SLC7A9: variants seen among roughly 807,000 people sequenced by gnomAD.
SLC7A9 encodes solute carrier family 7 member 9.
SLC7A9 carries 38 observed loss-of-function variants against 54.1 expected under a neutral mutation model. That is an observed-to-expected ratio of 0.70 (90% CI 0.54 to 0.92). The LOEUF (loss-of-function observed/expected upper bound fraction) is 0.92, where lower values mean the gene tolerates loss of function less well. Among genes scored for constraint, SLC7A9 ranks in the 40% least tolerant of loss-of-function variants. The pLI, the probability that SLC7A9 is intolerant of heterozygous loss-of-function variation, is 0.00. For missense variants in SLC7A9, 537 were observed against 636.1 expected (o/e 0.84, Z 1.68); for synonymous variants, 264 against 258.9 (o/e 1.02, Z -0.19).
chr19:32,863,968 C>CA, intron 4 of SLC7A9, 128 bp downstream of exon 4: 1 of 1,483,554 alleles, frequency 6.7e-7, no homozygotes, highest in Non-Finnish European at 9.3e-7. Flanking sequence ...ACAGGTACTG[C>CA]AAAGGCTGAT....
intron 9 of SLC7A9, among the ~76,000 whole-genome samples, chr19:32,851,614 G>A (rs958656072): frequency 1.3e-5 from 2 of 151,924 alleles, no homozygotes; most frequent in Non-Finnish European, 2.9e-5. Context: ...TCAGTGTGGC[G>A]ATTCCTTAGG....
At chr19:32,831,866 G>A (rs1217724766) in intron 12 of SLC7A9, among the ~76,000 whole-genome samples, 1 of 152,236 alleles carries the variant, frequency 6.6e-6, no homozygotes, top group African/African-American at 2.4e-5. Context: ...TCAGACAAAG[G>A]AGAATGGTGT....
rs548261950 is a variant in SLC7A9 at position 32,832,282 on chromosome 19, T to C, written c.1399+867A>G. On this transcript the variant is annotated intron_variant, in intron 12 of 12. Coordinates refer to ENST00000023064, the MANE Select transcript of SLC7A9 (RefSeq NM_014270.5). ...CCAGCCTGGACAACAAGAGCAAAACTCCATCTCAAAACAAAGAAAATGGGC... is the reference window on the plus strand; with the variant it reads ...CCAGCCTGGACAACAAGAGCAAAACCCCATCTCAAAACAAAGAAAATGGGC... Among the ~76,000 whole-genome samples, 8 of 147,216 alleles carry C rather than the reference T, an allele frequency of 5.4e-5. 1 individual carries two copies. Among genetic ancestry groups the C allele is most frequent in the African/African-American group, 2.0e-4 (8 of 39,654 alleles).
At position 32,833,672 on chromosome 19, in the gene SLC7A9, C is replaced by T. The variant is rs138025520; in HGVS notation, c.1225-349G>A. On this transcript the variant is annotated intron_variant, in intron 11 of 12. Coordinates refer to ENST00000023064, the MANE Select transcript of SLC7A9 (RefSeq NM_014270.5). ...AGTTAGCTGGGCGTGGTGGCAGGTG[C>T]CTGTAATCCCAGCTCCTCAGGAGCT... Among the ~76,000 whole-genome samples, 740 of 152,158 alleles carry T rather than the reference C, an allele frequency of 4.9e-3. 7 individuals carry two copies. The highest frequency in any genetic ancestry group is 0.017 in the African/African-American group (699 of 41,508).
At chr19:32,835,889 CTGTGTGTGTGTGTG>C (rs1212868987) in intron 11 of SLC7A9, among the ~76,000 whole-genome samples, 1 of 140,776 alleles carries the variant, frequency 7.1e-6, no homozygotes, top group Non-Finnish European at 1.5e-5. Context: ...AATTTATGTA[CTGTGTGTGTGTGTG>C]TGTGTGTATG....
At chr19:32,855,112 G>A (rs577864904) in intron 9 of SLC7A9, among the ~76,000 whole-genome samples, 12 of 152,250 alleles carry the variant, frequency 7.9e-5, no homozygotes, top group African/African-American at 1.9e-4. Flanking sequence ...ATACTATTCC[G>A]ACTCTAAAGA....
chr19:32,848,639 A>G (rs1968372778), intron 9 of SLC7A9, among the ~76,000 whole-genome samples: 1 of 152,200 alleles, frequency 6.6e-6, no homozygotes, highest in Non-Finnish European at 1.5e-5. Flanking sequence ...ACAGAAAGTT[A>G]ACAAGAATAC....
intron 9 of SLC7A9, among the ~76,000 whole-genome samples, chr19:32,846,847 C>T (rs1968312623): frequency 6.6e-6 from 1 of 152,230 alleles, no homozygotes; most frequent in South Asian, 2.1e-4. Flanking sequence ...CAGGCAGCAG[C>T]ATTTGCAGGT....
At chr19:32,835,305 C>T (rs1160519011) in intron 11 of SLC7A9, among the ~76,000 whole-genome samples, 2 of 152,074 alleles carry the variant, frequency 1.3e-5, no homozygotes, top group African/African-American at 4.8e-5. Flanking sequence ...GTCAATGTTA[C>T]AGTCTAAAAA....
intron 9 of SLC7A9, 100 bp from the exon 10 acceptor site, chr19:32,844,051 G>T: frequency 1.1e-6 from 1 of 871,006 alleles, no homozygotes; most frequent in South Asian, 1.4e-5. Flanking sequence ...GAGCCCTCGG[G>T]AGGCTCAGGA....
At chr19:32,841,672 C>G (rs550737891) in intron 11 of SLC7A9, among the ~76,000 whole-genome samples, 2 of 152,260 alleles carry the variant, frequency 1.3e-5, no homozygotes, top group South Asian at 4.1e-4. Flanking sequence ...TTTGGGAAGC[C>G]AAGGCAGGCA....
chr19:32,863,983 G>C, intron 4 of SLC7A9, 113 bp downstream of exon 4: 4 of 1,543,602 alleles, frequency 2.6e-6, no homozygotes, highest in Middle Eastern at 2.3e-4. Context: ...GCTGATGCCA[G>C]GCCCTGCCTG....
intron 2 of SLC7A9, among the ~76,000 whole-genome samples, chr19:32,867,866 G>A (rs1969018256): frequency 6.8e-6 from 1 of 147,714 alleles, no homozygotes; most frequent in Admixed American, 6.8e-5. Flanking sequence ...GGAAGCGGAG[G>A]TTGCAGTGAG....
intron 12 of SLC7A9, 104 bp from the exon 13 acceptor site, chr19:32,830,788 T>TG (rs1429148460): frequency 2.3e-6 from 2 of 863,850 alleles, no homozygotes; most frequent in Non-Finnish European, 1.9e-6. Context: ...TCTTTGGTGA[T>TG]GCGTCACCTA....
chr19:32,861,039 C>T (rs1968786292), intron 6 of SLC7A9, among the ~76,000 whole-genome samples: 1 of 152,124 alleles, frequency 6.6e-6, no homozygotes, highest in Admixed American at 6.5e-5. Flanking sequence ...CCTTAAAGGA[C>T]AAAAATGGGC....
chr19:32,845,505 C>T (rs1198584956), intron 9 of SLC7A9, among the ~76,000 whole-genome samples: 3 of 151,962 alleles, frequency 2.0e-5, no homozygotes, highest in African/African-American at 7.3e-5. Flanking sequence ...CTGTCTCAAA[C>T]AAAACCAAAC....
Position 32,860,588 on chromosome 19 carries a change from C to T in SLC7A9, c.749+18G>A. 6.2e-7 allele frequency: 1 copy of T among 1,614,122 alleles called. No individual in the cohort carries two copies. Among genetic ancestry groups the T allele is most frequent in the Non-Finnish European group, 8.5e-7 (1 of 1,180,006 alleles). On this transcript the variant is annotated intron_variant, in intron 7 of 12. Transcript: ENST00000023064. ...CAGGCTGCCCGGCTACTGTCCTCTGCACTGATTCAGCTGTTACCTGTAAGG... is the reference window on the plus strand; with the variant it reads ...CAGGCTGCCCGGCTACTGTCCTCTGTACTGATTCAGCTGTTACCTGTAAGG...
chr19:32,851,044 C>A (rs1394564500), intron 9 of SLC7A9, among the ~76,000 whole-genome samples: 16 of 152,114 alleles, frequency 1.1e-4, no homozygotes, highest in African/African-American at 3.4e-4. Flanking sequence ...TAAAGACTTA[C>A]ATGTTAGACC....
chr19:32,832,915 G>C, intron 12 of SLC7A9: 1 of 521,848 alleles, frequency 1.9e-6, no homozygotes, highest in Non-Finnish European at 3.5e-6. Flanking sequence ...TCTCCAAAAA[G>C]AAAAGAAAAT....
Sources: allele counts gnomAD v4.1 joint callset (sites outside exome capture counted in the v4.1 genomes callset), GRCh38; gene constraint gnomAD v4.1.1; transcripts MANE v1.5; gene names NCBI Gene and HGNC (gene_info 2026-07-23, HGNC 2026-07-21).